The following CUX1 variants were observed in gnomAD, a reference collection of about 807,000 sequenced individuals.
The protein encoded by CUX1 is protein CASP.
CUX1 carries 31 observed loss-of-function variants against 158.8 expected under a neutral mutation model. The ratio of observed to expected loss-of-function variants is 0.20; its 90% CI spans 0.15 to 0.26. The LOEUF (loss-of-function observed/expected upper bound fraction) is 0.26, where lower values mean the gene tolerates loss of function less well. CUX1 is among the 10% of genes least tolerant of loss of function. CUX1 has a pLI of 1.00. For synonymous variants in CUX1, 879 were observed against 862.1 expected (o/e 1.02, Z -0.34); for missense variants, 1,589 against 2,014.6 (o/e 0.79, Z 4.04).
chr7:101,915,360 C>T (rs921370375), intron 1 of CUX1, among the ~76,000 whole-genome samples: 1 of 152,156 alleles, frequency 6.6e-6, no homozygotes, highest in African/African-American at 2.4e-5. Flanking sequence ...GCCCAGAGTC[C>T]TCAGCCCCCT....
chr7:102,010,389 T>C, intron 2 of CUX1, among the ~76,000 whole-genome samples: 1 of 118,696 alleles, frequency 8.4e-6, no homozygotes, highest in African/African-American at 3.3e-5. Context: ...ACAAGAAGAC[T>C]CTGTCTCAAA....
At chr7:102,036,761 CAA>C (rs35844490) in intron 3 of CUX1, among the ~76,000 whole-genome samples, 1 of 115,908 alleles carries the variant, frequency 8.6e-6, no homozygotes, top group Admixed American at 8.4e-5. Context: ...AGCAAACAAA[CAA>C]AAAAAAAAAA....
chr7:101,835,214 C>G (rs1794493447), intron 1 of CUX1, among the ~76,000 whole-genome samples: 1 of 152,142 alleles, frequency 6.6e-6, no homozygotes, highest in Non-Finnish European at 1.5e-5. Flanking sequence ...CATCTATTCT[C>G]TGCCTCCATG....
chr7:102,041,459 G>T (rs1249345885), intron 3 of CUX1, among the ~76,000 whole-genome samples: 1 of 151,024 alleles, frequency 6.6e-6, no homozygotes, highest in Non-Finnish European at 1.5e-5. Flanking sequence ...TTACCATGTT[G>T]TTCAGGCTGG....
exon 16 of CUX1, chr7:102,274,292 G>T: frequency 6.2e-7 from 1 of 1,613,626 alleles, no homozygotes; most frequent in South Asian, 1.1e-5. Context: ...CATCAAAGAG[G>T]CCACTGCCCT....
At chr7:102,140,495 C>G (rs437353) in intron 8 of CUX1, among the ~76,000 whole-genome samples, 1 of 151,982 alleles carries the variant, frequency 6.6e-6, no homozygotes, top group African/African-American at 2.4e-5. Context: ...ATCCACCTGC[C>G]TTAGCCTCCC....
At chr7:101,976,105 C>A (rs1178437509) in intron 2 of CUX1, among the ~76,000 whole-genome samples, 1 of 152,218 alleles carries the variant, frequency 6.6e-6, no homozygotes, top group Non-Finnish European at 1.5e-5. Flanking sequence ...TGCACTCCAA[C>A]CTGGGCACAG....
At chr7:101,826,520 A>C (rs1265420339) in intron 1 of CUX1, among the ~76,000 whole-genome samples, 1 of 152,118 alleles carries the variant, frequency 6.6e-6, no homozygotes, top group Admixed American at 6.6e-5. Flanking sequence ...TATTTCATGC[A>C]TTCCTTTTTC....
intron 6 of CUX1, among the ~76,000 whole-genome samples, chr7:102,107,692 G>A (rs1405317870): frequency 6.6e-6 from 1 of 152,230 alleles, no homozygotes; most frequent in Non-Finnish European, 1.5e-5. Flanking sequence ...TTTTCATAGA[G>A]GGAGAAAGCA....
chr7:102,089,886 A>G (rs1019957090), intron 4 of CUX1, among the ~76,000 whole-genome samples: 2 of 152,340 alleles, frequency 1.3e-5, no homozygotes, highest in Non-Finnish European at 2.9e-5. Flanking sequence ...GATGCAATCC[A>G]GAGAGTTCTT....
intron 4 of CUX1, among the ~76,000 whole-genome samples, chr7:102,090,187 T>C (rs77515687): frequency 1.6e-4 from 25 of 152,324 alleles, no homozygotes; most frequent in African/African-American, 5.1e-4. Flanking sequence ...TGGCTATCTT[T>C]ACAAAAATAG....
intron 20 of CUX1, among the ~76,000 whole-genome samples, chr7:102,214,192 C>G (rs1554523934): frequency 1.3e-5 from 2 of 151,918 alleles, no homozygotes; most frequent in Admixed American, 6.6e-5. Context: ...ATGGAGTAAA[C>G]CAAGGCTCAG....
chr7:102,206,710 A>G (rs1795982963), intron 20 of CUX1, among the ~76,000 whole-genome samples: 1 of 152,192 alleles, frequency 6.6e-6, no homozygotes, highest in Non-Finnish European at 1.5e-5. Context: ...CAGCCTGGCC[A>G]ACGTGGTGAA....
chr7:102,034,317 G>A (rs1821164965), intron 3 of CUX1, among the ~76,000 whole-genome samples: 1 of 152,018 alleles, frequency 6.6e-6, no homozygotes, highest in African/African-American at 2.4e-5. Context: ...CAGATTAAAG[G>A]AGGAAACAAT....
Position 102,085,316 on chromosome 7 carries a change from C to T in CUX1, c.269-12048C>T, listed in dbSNP as rs372488915. ...CTACTGTTTTACTGAGGACTTTTGC[C>T]GTTAAATTTATGAGGAACGATATGG... On this transcript the variant is annotated intron_variant, in intron 4 of 23. Coordinates refer to ENST00000292535, the MANE Select transcript of CUX1 (RefSeq NM_181552.4). Among the ~76,000 whole-genome samples the T allele has an allele frequency of 1.7e-4, 26 of 152,164 alleles. 1 individual carries two copies. The East Asian group carries it at 1.7e-3, about 10-fold the overall frequency.
intron 2 of CUX1, among the ~76,000 whole-genome samples, chr7:101,970,090 T>C (rs1279209216): frequency 6.6e-6 from 1 of 152,096 alleles, no homozygotes; most frequent in Non-Finnish European, 1.5e-5. Context: ...TATTTGGGTT[T>C]CAAATGTGTG....
At chr7:101,980,488 G>A (rs1319767843) in intron 2 of CUX1, among the ~76,000 whole-genome samples, 1 of 152,148 alleles carries the variant, frequency 6.6e-6, no homozygotes, top group East Asian at 1.9e-4. Context: ...CAGCCTGGGC[G>A]ACAGAGGGAG....
intron 9 of CUX1, among the ~76,000 whole-genome samples, chr7:102,164,730 C>G (rs537580499): frequency 6.6e-6 from 1 of 152,146 alleles, no homozygotes; most frequent in Non-Finnish European, 1.5e-5. Flanking sequence ...CTCTGGGAGT[C>G]GAGATGTTCA....
At chr7:102,020,472 G>T (rs980010560) in intron 2 of CUX1, among the ~76,000 whole-genome samples, 4 of 152,200 alleles carry the variant, frequency 2.6e-5, no homozygotes, top group Non-Finnish European at 5.9e-5. Context: ...TGTATACATT[G>T]ATAAGGGAAA....
Sources: gnomAD v4.1 joint callset for allele counts (sites outside exome capture counted in the v4.1 genomes callset) on GRCh38, gnomAD v4.1.1 for gene constraint, MANE v1.5 for transcripts, NCBI Gene and HGNC (gene_info 2026-07-23, HGNC 2026-07-21) for gene names.